PDE10A: variants seen among roughly 807,000 people sequenced by gnomAD.
PDE10A encodes cAMP and cAMP-inhibited cGMP 3',5'-cyclic phosphodiesterase 10A.
Under a neutral mutation model 97.7 loss-of-function variants are expected in PDE10A, and 39 were observed. The ratio of observed to expected loss-of-function variants is 0.40; its 90% CI spans 0.31 to 0.52. PDE10A has a LOEUF of 0.52. Ranked by LOEUF, PDE10A falls within the 20% of genes least tolerant of loss-of-function variation. The probability of loss-of-function intolerance (pLI) is 0.56; values close to 1 mark genes in which losing one functional copy is unlikely to be tolerated. For synonymous variants in PDE10A, 371 were observed against 376.8 expected (o/e 0.98, Z 0.18); for missense variants, 731 against 1,047.8 (o/e 0.70, Z 4.17).
rs1246838919 is a variant in PDE10A at position 165,711,772 on chromosome 6, T to C, written c.-614-168204A>G. ...AATTCACTCGTCAGACCAGCGAACC[T>C]CAAATGCATTTTTGTGGCAGTCATG... On this transcript the variant is annotated intron_variant, in intron 1 of 19. Coordinates refer to the PDE10A transcript ENST00000366882. This position sits in a 1 kb window ranked among gnomAD's most constrained non-coding sequence, Gnocchi z 4.5. Among the ~76,000 whole-genome samples the C allele has an allele frequency of 6.6e-6, 1 of 152,172 alleles. No individual in the cohort carries two copies. The highest frequency in any genetic ancestry group is 1.5e-5 in the Non-Finnish European group (1 of 68,042).
intron 1 of PDE10A, among the ~76,000 whole-genome samples, chr6:165,783,981 A>T (rs1778416168): frequency 6.6e-6 from 1 of 152,126 alleles, no homozygotes; most frequent in Admixed American, 6.6e-5. Flanking sequence ...GCACTTTGGG[A>T]GGCCAAGGCA....
chr6:165,960,636 G>C (rs1435703713), intron 1 of PDE10A, among the ~76,000 whole-genome samples: 2 of 152,246 alleles, frequency 1.3e-5, no homozygotes, highest in Admixed American at 6.5e-5. Flanking sequence ...ATTTTGTGAG[G>C]ATGTCAGCAG....
Position 165,881,392 on chromosome 6 carries a change from CTTTTTTTTTTT to C in PDE10A, c.-615+106126_-615+106136del, listed in dbSNP as rs68159417. 2.6e-3 allele frequency among the ~76,000 whole-genome samples: 276 copies of C among 107,008 alleles called. 2 individuals carry two copies. The highest frequency in any genetic ancestry group is 0.01 in the African/African-American group (262 of 25,028). 70.2% of individuals were successfully genotyped at this position (107,008 alleles called of 152,430 possible). A position where few individuals can be genotyped will look rare whatever the true frequency, so the allele number is the denominator to read the frequency against. ...AGCAATTTCTTTTCTTTTTTCTTTT[CTTTTTTTTTTT>C]TTTTTTTTTTTGAGATGGAGTCTTG... On this transcript the variant is annotated intron_variant, in intron 1 of 19. Coordinates refer to the PDE10A transcript ENST00000366882.
chr6:165,715,778 C>T (rs566286159), intron 1 of PDE10A, among the ~76,000 whole-genome samples: 2 of 152,330 alleles, frequency 1.3e-5, no homozygotes, highest in South Asian at 4.1e-4. Flanking sequence ...AGGGGGACGT[C>T]CCTCTTCCGG....
intron 1 of PDE10A, among the ~76,000 whole-genome samples, chr6:165,689,373 A>T (rs918312935): frequency 1.3e-5 from 2 of 152,178 alleles, no homozygotes; most frequent in Non-Finnish European, 2.9e-5. Context: ...CCCAGGGTTA[A>T]ATGAGGTTAA....
chr6:165,900,305 C>G (rs761156933), intron 1 of PDE10A, among the ~76,000 whole-genome samples: 4 of 152,124 alleles, frequency 2.6e-5, no homozygotes, highest in Non-Finnish European at 5.9e-5. Context: ...AACCCTATCT[C>G]TACTAAAAAT....
chr6:165,803,618 G>T (rs1020630167), intron 1 of PDE10A, among the ~76,000 whole-genome samples: 1 of 152,230 alleles, frequency 6.6e-6, no homozygotes, highest in African/African-American at 2.4e-5. Flanking sequence ...TGGGAATTTA[G>T]TAAGTCTGAG....
chr6:165,812,014 G>A (rs946890359), intron 1 of PDE10A, among the ~76,000 whole-genome samples: 36 of 151,968 alleles, frequency 2.4e-4, no homozygotes, highest in Non-Finnish European at 5.1e-4. Context: ...CACCATGCCC[G>A]GTTAATTATT....
intron 1 of PDE10A, among the ~76,000 whole-genome samples, chr6:165,594,475 G>A (rs1337273842): frequency 1.3e-5 from 2 of 152,102 alleles, no homozygotes; most frequent in East Asian, 3.9e-4. Context: ...AGGAATCCAC[G>A]AGTCCTTAAT....
chr6:165,791,818 G>A (rs992179235), intron 1 of PDE10A, among the ~76,000 whole-genome samples: 6 of 152,198 alleles, frequency 3.9e-5, no homozygotes, highest in Non-Finnish European at 7.3e-5. Flanking sequence ...AGCTTGTAGG[G>A]ACAGCGTGAG....
intron 1 of PDE10A, among the ~76,000 whole-genome samples, chr6:165,569,006 G>A (rs1041345271): frequency 3.3e-5 from 5 of 152,210 alleles, no homozygotes; most frequent in African/African-American, 1.2e-4. Flanking sequence ...GGGATGTGCT[G>A]TGAGTGTAAA....
At chr6:165,651,598 G>A (rs986698169) in intron 1 of PDE10A, among the ~76,000 whole-genome samples, 1 of 152,120 alleles carries the variant, frequency 6.6e-6, no homozygotes, top group African/African-American at 2.4e-5. Flanking sequence ...ACAGGATTTG[G>A]GGCAATACCA....
chr6:165,619,514 CTAGTG>C lies in PDE10A; in HGVS notation c.865+42428_865+42432del, dbSNP rs200495083. Among the ~76,000 whole-genome samples the C allele has an allele frequency of 9.5e-3, 142 of 14,896 alleles. 13 individuals are homozygous for C. The highest frequency in any genetic ancestry group is 0.014 in the Non-Finnish European group (102 of 7,550). The allele number at this position is 14,896 out of a possible 152,430, so 9.8% of individuals were successfully genotyped here. A position where few individuals can be genotyped will look rare whatever the true frequency, so the allele number is the denominator to read the frequency against. On this transcript the variant is annotated intron_variant, in intron 1 of 21. Transcript: ENST00000539869. ...CTAGTGTAGTCTAGTGTAGTGTAGT[CTAGTG>C]TAGTGTAGTGTAGTCTAATGTAGTG...
intron 1 of PDE10A, among the ~76,000 whole-genome samples, chr6:165,556,613 A>C (rs1784267217): frequency 6.6e-6 from 1 of 152,214 alleles, no homozygotes; most frequent in Non-Finnish European, 1.5e-5. Context: ...GTGAATTCTC[A>C]AGTGCTGGAC....
intron 1 of PDE10A, among the ~76,000 whole-genome samples, chr6:165,555,885 C>G (rs909689152): frequency 6.6e-6 from 1 of 152,168 alleles, no homozygotes; most frequent in African/African-American, 2.4e-5. Context: ...AAGACAAGTA[C>G]AGTTGACACT....
At chr6:165,444,709 A>G (rs1790714185) in intron 5 of PDE10A, among the ~76,000 whole-genome samples, 1 of 151,854 alleles carries the variant, frequency 6.6e-6, no homozygotes, top group African/African-American at 2.4e-5. Context: ...TAAATGTTCT[A>G]TGTGAAAAAA....
intron 1 of PDE10A, among the ~76,000 whole-genome samples, chr6:165,748,225 A>G (rs558538612): frequency 6.6e-6 from 1 of 152,354 alleles, no homozygotes; most frequent in South Asian, 2.1e-4. Context: ...TTAGCATTTC[A>G]TGTCAATTCC....
At chr6:165,752,919 C>T (rs1311100857) in intron 1 of PDE10A, among the ~76,000 whole-genome samples, 1 of 152,210 alleles carries the variant, frequency 6.6e-6, no homozygotes, top group East Asian at 1.9e-4. Context: ...CCTGCAGAAA[C>T]TTGTCCTTCG....
intron 1 of PDE10A, among the ~76,000 whole-genome samples, chr6:165,950,826 AG>A (rs757228013): frequency 7.2e-5 from 11 of 152,234 alleles, no homozygotes; most frequent in Non-Finnish European, 1.5e-4. Flanking sequence ...GACATGAACC[AG>A]GGCTACACAC....
Sources: gnomAD v4.1 joint callset for allele counts (sites outside exome capture counted in the v4.1 genomes callset) on GRCh38, gnomAD v4.1.1 for gene constraint, Gnocchi (gnomAD v3.1) non-coding constraint, MANE v1.5 for transcripts, NCBI Gene and HGNC (gene_info 2026-07-23, HGNC 2026-07-21) for gene names.